Variants in NALF1 observed in about 807,000 individuals in gnomAD.
NALF1 encodes the protein NALCN channel auxiliary factor 1.
Under a neutral mutation model 48.4 loss-of-function variants are expected in NALF1, and 3 were observed. That is an observed-to-expected ratio of 0.06 (90% CI 0.03 to 0.16). NALF1 has a LOEUF of 0.16. NALF1 is among the 10% of genes least tolerant of loss of function. NALF1 has a pLI of 1.00. For missense variants in NALF1, 526 were observed against 571.5 expected, an observed-to-expected ratio of 0.92 and a Z score of 0.81; for synonymous variants, 262 against 245.7, an observed-to-expected ratio of 1.07 and a Z score of -0.62.
At chr13:107,233,421 A>G (rs9301201) in intron 1 of NALF1, among the ~76,000 whole-genome samples, 4,144 of 152,318 alleles carry the variant, frequency 0.027, 77 homozygotes, top group Non-Finnish European at 0.038. Context: ...TCCACTGTGT[A>G]TGAAAACATA....
intron 1 of NALF1, among the ~76,000 whole-genome samples, chr13:107,401,822 T>G (rs577407354): frequency 2.6e-5 from 4 of 152,186 alleles, no homozygotes; most frequent in African/African-American, 9.6e-5. Flanking sequence ...ATCAAACCCA[T>G]GTTGGATGGT....
chr13:107,497,794 G>A (rs922072364), intron 1 of NALF1, among the ~76,000 whole-genome samples: 1 of 152,166 alleles, frequency 6.6e-6, no homozygotes. Context: ...TATGCTTACA[G>A]CTCCTCTGGT....
intron 1 of NALF1, chr13:107,466,572 G>C (rs556194740): frequency 1.3e-5 from 2 of 150,730 alleles, no homozygotes; most frequent in African/African-American, 4.8e-5. Flanking sequence ...AATGAGTCAA[G>C]GCACTGCCTG....
chr13:107,403,614 C>G (rs946525713), intron 1 of NALF1, among the ~76,000 whole-genome samples: 1 of 151,750 alleles, frequency 6.6e-6, no homozygotes, highest in Non-Finnish European at 1.5e-5. Context: ...GTTGTTAAAT[C>G]AATTCTGCAA....
At chr13:107,791,429 C>T (rs964815718) in intron 1 of NALF1, among the ~76,000 whole-genome samples, 1 of 152,028 alleles carries the variant, frequency 6.6e-6, no homozygotes, top group Non-Finnish European at 1.5e-5. Context: ...GGGTGATTAT[C>T]GTTTTAGACT....
intron 1 of NALF1, among the ~76,000 whole-genome samples, chr13:107,238,740 G>A (rs1468396187): frequency 6.6e-6 from 1 of 152,232 alleles, no homozygotes; most frequent in South Asian, 2.1e-4. Context: ...ATAACTAACT[G>A]TTCTTGTAAA....
At chr13:107,283,206 A>G (rs1278233188) in intron 1 of NALF1, among the ~76,000 whole-genome samples, 1 of 152,156 alleles carries the variant, frequency 6.6e-6, no homozygotes, top group Non-Finnish European at 1.5e-5. Context: ...ATTAGGCTGT[A>G]TTCCTTGGGA....
intron 1 of NALF1, among the ~76,000 whole-genome samples, chr13:107,511,267 A>G (rs2139087551): frequency 6.6e-6 from 1 of 152,288 alleles, no homozygotes; most frequent in South Asian, 2.1e-4. Context: ...GTGTGACTAG[A>G]TCGTATTGTC....
rs148019477 is a variant in NALF1 at position 107,735,279 on chromosome 13, A to G, written c.915+130403T>C. Among the ~76,000 whole-genome samples, 307 of 152,322 alleles carry G rather than the reference A, an allele frequency of 2.0e-3. 1 individual carries two copies. The highest frequency in any genetic ancestry group is 6.9e-3 in the African/African-American group (288 of 41,572). ...AACCTGGGTAGTAAAGGCATCCTGAAGCCAATAGCCTCTGTGACAGACTAA... is the reference window on the plus strand; with the variant it reads ...AACCTGGGTAGTAAAGGCATCCTGAGGCCAATAGCCTCTGTGACAGACTAA... On this transcript the variant is annotated intron_variant, in intron 1 of 2. Coordinates refer to ENST00000375915, the MANE Select transcript of NALF1 (RefSeq NM_001080396.3).
At chr13:107,492,309 A>G (rs541369386) in intron 1 of NALF1, among the ~76,000 whole-genome samples, 2 of 152,180 alleles carry the variant, frequency 1.3e-5, no homozygotes, top group African/African-American at 4.8e-5. Flanking sequence ...TCGGCCTTCC[A>G]AAGTGCTGGG....
At chr13:107,599,041 T>C (rs937123171) in intron 1 of NALF1, among the ~76,000 whole-genome samples, 1 of 152,200 alleles carries the variant, frequency 6.6e-6, no homozygotes, top group Non-Finnish European at 1.5e-5. Flanking sequence ...TATGAGTTTG[T>C]CCTAAGTTAT....
intron 1 of NALF1, among the ~76,000 whole-genome samples, chr13:107,763,672 G>A (rs1419596202): frequency 1.3e-5 from 2 of 152,062 alleles, no homozygotes; most frequent in Non-Finnish European, 2.9e-5. Context: ...GATGACTTCG[G>A]TCATTGACTT....
intron 1 of NALF1, among the ~76,000 whole-genome samples, chr13:107,715,118 T>C (rs1249059101): frequency 6.6e-6 from 1 of 152,216 alleles, no homozygotes; most frequent in East Asian, 1.9e-4. Context: ...ATTTAGCATT[T>C]ATCATTTCTT....
In NALF1 at chr13:107,478,844, A is replaced by G. The variant is rs575766762; in HGVS notation, c.916-268089T>C. On this transcript the variant is annotated intron_variant, in intron 1 of 2. Coordinates refer to ENST00000375915, the MANE Select transcript of NALF1 (RefSeq NM_001080396.3). Reference sequence around the variant, plus strand: ...AAGTCACTATTATGTAACGTATTACAGAGTTTTATTGTGTTAAAAATACAT... The same window carrying G: ...AAGTCACTATTATGTAACGTATTACGGAGTTTTATTGTGTTAAAAATACAT... Among the ~76,000 whole-genome samples, 3 of 152,284 alleles carry G rather than the reference A, an allele frequency of 2.0e-5. No homozygotes were observed. In the East Asian group the frequency reaches 5.8e-4, roughly 29 times the overall value.
intron 2 of NALF1, among the ~76,000 whole-genome samples, chr13:107,182,840 C>T (rs1833180079): frequency 6.6e-6 from 1 of 151,966 alleles, no homozygotes; most frequent in African/African-American, 2.4e-5. Flanking sequence ...TGTTTTATTT[C>T]TGTCTTATTT....
At chr13:107,568,341 C>T (rs1877878757) in intron 1 of NALF1, among the ~76,000 whole-genome samples, 1 of 152,196 alleles carries the variant, frequency 6.6e-6, no homozygotes, top group South Asian at 2.1e-4. Context: ...TGGTGTTCAA[C>T]CTTTCTCTCA....
intron 1 of NALF1, among the ~76,000 whole-genome samples, chr13:107,530,394 G>A (rs570644982): frequency 1.3e-5 from 2 of 152,168 alleles, no homozygotes; most frequent in Non-Finnish European, 2.9e-5. Flanking sequence ...TATCCCCAGA[G>A]CCATGAAAAC....
At chr13:107,459,466 G>A (rs529452273) in intron 1 of NALF1, among the ~76,000 whole-genome samples, 16 of 152,064 alleles carry the variant, frequency 1.1e-4, no homozygotes, top group African/African-American at 3.6e-4. Context: ...AGACACAATA[G>A]AGCCAAAGAC....
chr13:107,834,641 T>C (rs1879837771), intron 1 of NALF1, among the ~76,000 whole-genome samples: 1 of 152,178 alleles, frequency 6.6e-6, no homozygotes, highest in African/African-American at 2.4e-5. Flanking sequence ...TTTACTGTGA[T>C]TTTTTTACAA....
Sources: gnomAD v4.1 joint callset for allele counts (sites outside exome capture counted in the v4.1 genomes callset) on GRCh38, gnomAD v4.1.1 for gene constraint, MANE v1.5 for transcripts, NCBI Gene and HGNC (gene_info 2026-07-23, HGNC 2026-07-21) for gene names.